Variants in IGDCC4 observed in about 807,000 individuals in gnomAD.
IGDCC4 encodes the protein immunoglobulin superfamily DCC subclass member 4.
Under a neutral mutation model 116.6 loss-of-function variants are expected in IGDCC4, and 72 were observed. That is an observed-to-expected ratio of 0.62 (90% CI 0.51 to 0.75). The LOEUF is 0.75. Ranked by LOEUF, IGDCC4 falls within the 30% of genes least tolerant of loss-of-function variation. The pLI is 0.00. For missense variants in IGDCC4, 1,501 were observed against 1,662.4 expected (o/e 0.90, Z 1.69); for synonymous variants, 709 against 719.9 (o/e 0.98, Z 0.24).
rs138139328 is a variant in IGDCC4 at position 65,388,889 on chromosome 15, C to T, written c.2626G>A (p.Gly876Arg). The T allele has an allele frequency of 5.0e-6, 8 of 1,613,782 alleles. No homozygotes were observed. The highest frequency in any genetic ancestry group is 1.3e-5 in the African/African-American group (1 of 74,880). Residue 876 changes from glycine to arginine, a missense_variant, in exon 15 of 20, where the codon GGG becomes AGG. This residue lies in a region of IGDCC4 where 235 missense variants were observed against 328.0 expected (regional missense o/e 0.72). Coordinates refer to ENST00000352385, the MANE Select transcript of IGDCC4 (RefSeq NM_020962.3). ...LHWCPPTEPN[G>R]EIVEYLILYS... ...AGGATCAGATACTCCACGATCTCCC[C>T]GTTGGGCTCTGTGGGGGGGCACCAG...
At position 65,422,885 on chromosome 15, in the gene IGDCC4, CGCCGCCGCCGCCTCCCCGTGCTTCG is replaced by C. The variant is rs1184985702; in HGVS notation, c.-48_-24del. The C allele has an allele frequency of 2.8e-6, 3 of 1,055,180 alleles. No homozygotes were observed. In the African/African-American group the frequency reaches 5.2e-5, roughly 18 times the overall value. The allele number at this position is 1,055,180 out of a possible 1,614,324, so 65.4% of individuals were successfully genotyped here. On this transcript the variant is annotated 5_prime_UTR_variant, in exon 1 of 20. Coordinates refer to ENST00000352385, the MANE Select transcript of IGDCC4 (RefSeq NM_020962.3). ...CATGGGGCTGGGCTCGGGCCGCCGC[CGCCGCCGCCGCCTCCCCGTGCTTCG>C]GCCGCCGCCGCGGGGGGAGAGCGCG...
At position 65,402,359 on chromosome 15, in the gene IGDCC4, G is replaced by A. The variant is rs760341349; in HGVS notation, c.692C>T (p.Ala231Val). The change falls in exon 4 of 20, where the codon GCC (alanine) becomes GTC (valine). Residue 231 changes from alanine (A) to valine (V), a missense_variant. This residue lies in a region of IGDCC4 where 898 missense variants were observed against 978.9 expected (regional missense o/e 0.92). Transcript: ENST00000352385. Reference protein sequence around the residue: ...HFSQEALLSVAHRGSLASTRG... With the variant: ...HFSQEALLSVVHRGSLASTRG... ...CCAGCCAGCCCCCTTACCTCTGTGG[G>A]CCACACTGAGTAGGGCCTCCTGGCT... is the stretch of plus-strand genomic sequence containing the variant. The A allele has an allele frequency of 1.1e-5, 18 of 1,568,208 alleles. No homozygotes were observed. The highest frequency in any genetic ancestry group is 2.3e-5 in the South Asian group (2 of 85,146).
chr15:65,384,816 G>T lies in IGDCC4; in HGVS notation c.3342+138C>A. 2 of 1,162,814 alleles carry T rather than the reference G, an allele frequency of 1.7e-6. No homozygotes were observed. Among genetic ancestry groups the T allele is most frequent in the Non-Finnish European group, 2.4e-6 (2 of 846,948 alleles). The allele number at this position is 1,162,814 out of a possible 1,614,324, so 72.0% of individuals were successfully genotyped here. A position where few individuals can be genotyped will look rare whatever the true frequency, so the allele number is the denominator to read the frequency against. The stretch of plus-strand genomic sequence containing the variant: ...GCCCTCCACCTACTCAACCTTTGGA[G>T]GCTCCAGGGGTCTCCTGGCTAGACT... On this transcript the variant is annotated intron_variant, in intron 19 of 19. Transcript: ENST00000352385. This position sits in a 1 kb window ranked among gnomAD's most constrained non-coding sequence, Gnocchi z 4.9.
At position 65,392,386 on chromosome 15, in the gene IGDCC4, G is replaced by A. The variant is rs1196060652; in HGVS notation, c.1886-16C>T. 6.7e-7 allele frequency: 1 copy of A among 1,488,330 alleles called. No individual in the cohort carries two copies. Among genetic ancestry groups the A allele is most frequent in the East Asian group, 2.4e-5 (1 of 41,788 alleles). The allele number at this position is 1,488,330 out of a possible 1,614,324, so 92.2% of individuals were successfully genotyped here. A position where few individuals can be genotyped will look rare whatever the true frequency, so the allele number is the denominator to read the frequency against. On this transcript the variant is annotated splice_polypyrimidine_tract_variant and intron_variant, in intron 10 of 19. Coordinates refer to ENST00000352385, the MANE Select transcript of IGDCC4 (RefSeq NM_020962.3). ...GCAAAAGGGACTGGGGGGCAGAGGAGCAGGATGGGAAAATTAAGGAACAGA... is the reference window on the plus strand; with the variant it reads ...GCAAAAGGGACTGGGGGGCAGAGGAACAGGATGGGAAAATTAAGGAACAGA...
chr15:65,395,868 G>A lies in IGDCC4; in HGVS notation c.1293C>T (p.Ala431=), dbSNP rs1438669964. Reference sequence around the variant, plus strand: ...GTGGCGTAGCAGTGACCCGCGTGGGGGCGCTGGGCAGCCCCTCGCGCACCA... The same window carrying A: ...GTGGCGTAGCAGTGACCCGCGTGGGAGCGCTGGGCAGCCCCTCGCGCACCA... ...AVVVREGLPS[A]PTRVTATPLS... The change falls in exon 7 of 20, where the codon GCC becomes GCT. Residue 431 remains alanine, a synonymous_variant. Transcript: ENST00000352385. 1.9e-6 allele frequency: 3 copies of A among 1,582,316 alleles called. No homozygotes were observed. The highest frequency in any genetic ancestry group is 2.6e-6 in the Non-Finnish European group (3 of 1,171,382).
chr15:65,391,879 C>T lies in IGDCC4; in HGVS notation c.2224+1G>A. The stretch of plus-strand genomic sequence containing the variant: ...CCGCCTTCTTCCCCCACCGCCCTCA[C>T]CTGGTGCCGGCGCCTTCTCCGTCTT... On this transcript the variant is annotated splice_donor_variant, in intron 12 of 19. Coordinates refer to ENST00000352385, the MANE Select transcript of IGDCC4 (RefSeq NM_020962.3). LOFTEE classifies it high-confidence loss of function. 6.2e-7 allele frequency: 1 copy of T among 1,613,408 alleles called. No homozygotes were observed. Among genetic ancestry groups the T allele is most frequent in the Non-Finnish European group, 8.5e-7 (1 of 1,179,902 alleles).
rs554394966 is a variant in IGDCC4, at chr15:65,395,296, AC to A, written c.1412-39del. ...GGGACAAGGGGACTGTCATAGTGCC[AC>A]CCCCCCGTGCTGGCTAGCTGGAGTC... On this transcript the variant is annotated intron_variant, in intron 7 of 19. Coordinates refer to ENST00000352385, the MANE Select transcript of IGDCC4 (RefSeq NM_020962.3). 241 of 1,580,696 alleles carry A rather than the reference AC, an allele frequency of 1.5e-4. No individual in the cohort carries two copies. In the African/African-American group the frequency reaches 2.8e-3, roughly 19 times the overall value.
intron 4 of IGDCC4, among the ~76,000 whole-genome samples, chr15:65,401,967 C>T (rs2062991221): frequency 6.6e-6 from 1 of 152,136 alleles, no homozygotes; most frequent in Non-Finnish European, 1.5e-5. Flanking sequence ...CCCCCAGTGC[C>T]TGGACCCCTC....
chr15:65,391,953 G>A lies in IGDCC4; in HGVS notation c.2151C>T (p.Leu717=), dbSNP rs375508755. 56 of 1,612,916 alleles carry A rather than the reference G, an allele frequency of 3.5e-5. No homozygotes were observed. The highest frequency in any genetic ancestry group is 4.0e-5 in the Non-Finnish European group (47 of 1,179,626). ...CATCCTCATGTTTGTTGAAAGCCAC[G>A]AGCTTCACCTCGTACAGCCGGCCAG... ...LVPGRLYEVK[L]VAFNKHEDGY... Residue 717 remains leucine (L), a synonymous_variant, in exon 12 of 20, where the codon CTC becomes CTT. Coordinates refer to ENST00000352385, the MANE Select transcript of IGDCC4 (RefSeq NM_020962.3).
intron 1 of IGDCC4, among the ~76,000 whole-genome samples, chr15:65,420,194 G>A (rs373789497): frequency 7.9e-5 from 12 of 152,134 alleles, no homozygotes; most frequent in Non-Finnish European, 1.5e-4. Flanking sequence ...TGATCCGCCC[G>A]CCTTGGCCTC....
At position 65,388,932 on chromosome 15, in the gene IGDCC4, C is replaced by T. The variant is rs376272732; in HGVS notation, c.2583G>A (p.Pro861=). 6.8e-6 allele frequency: 11 copies of T among 1,612,376 alleles called. No individual in the cohort carries two copies. The highest frequency in any genetic ancestry group is 4.5e-5 in the East Asian group (2 of 44,852). The part of the protein sequence containing the change: ...PSDLRLSPLT[P]STVRLHWCPP... Reference sequence around the variant, plus strand: ...GGCACCAGTGCAGCCGAACCGTGGACGGTGTCAGGGGGCTCAGTCGCAGGT... The same window carrying T: ...GGCACCAGTGCAGCCGAACCGTGGATGGTGTCAGGGGGCTCAGTCGCAGGT... The change falls in exon 15 of 20, where the codon CCG becomes CCA. Residue 861 remains proline, a synonymous_variant. Coordinates refer to ENST00000352385, the MANE Select transcript of IGDCC4 (RefSeq NM_020962.3).
rs112040935 is a variant in IGDCC4 at position 65,399,447 on chromosome 15, CAAAAAAAAA to C, written c.841+1350_841+1358del. Among the ~76,000 whole-genome samples the C allele has an allele frequency of 1.2e-3, 86 of 71,186 alleles. 1 individual carries two copies. Among genetic ancestry groups the C allele is most frequent in the African/African-American group, 3.4e-3 (80 of 23,536 alleles). 46.7% of individuals were successfully genotyped at this position (71,186 alleles called of 152,430 possible). On this transcript the variant is annotated intron_variant, in intron 5 of 19. Coordinates refer to ENST00000352385, the MANE Select transcript of IGDCC4 (RefSeq NM_020962.3). The stretch of plus-strand genomic sequence containing the variant: ...ATTGCACTCCAGCCTGGGTGACAGG[CAAAAAAAAA>C]AAAAAAAAAAAAAAAGATTCCTGGA...
rs2062910053 is a variant in IGDCC4, at chr15:65,395,193, G to A, written c.1477C>T (p.Leu493=). The A allele has an allele frequency of 6.2e-7, 1 of 1,613,872 alleles. No individual in the cohort carries two copies. Among genetic ancestry groups the A allele is most frequent in the African/African-American group, 1.3e-5 (1 of 74,874 alleles). ...NDTTELQVRD[L]EPNTDYEFYV... ...AACTCATAATCTGTGTTGGGTTCCA[G>A]GTCCCGAACCTGTAGTTCTGTGGTG... is the stretch of plus-strand genomic sequence containing the variant. The change falls in exon 8 of 20, where the codon CTG becomes TTG. Residue 493 remains leucine, a synonymous_variant. Coordinates refer to ENST00000352385, the MANE Select transcript of IGDCC4 (RefSeq NM_020962.3).
In IGDCC4 at chr15:65,389,308, C is replaced by T. The variant is rs1250515442; in HGVS notation, c.2512G>A (p.Val838Met). 2 of 1,614,052 alleles carry T rather than the reference C, an allele frequency of 1.2e-6. No individual in the cohort carries two copies. The highest frequency in any genetic ancestry group is 1.7e-6 in the Non-Finnish European group (2 of 1,180,006). ...VDMDGPFGSV[V>M]ERSTLPDRPS... ...CGGTCAGGCAGGGTGGAGCGCTCCA[C>T]CACAGAGCCGAAAGGCCCATCCATG... Residue 838 changes from valine to methionine, a missense_variant, in exon 14 of 20, where the codon GTG (valine) becomes ATG (methionine). By Grantham distance (21) the Val-to-Met change is conservative. Transcript: ENST00000352385.
rs1318646103 is a variant in IGDCC4, at chr15:65,411,012, G to A, written c.421+8C>T. ...AGCCTCAGACCCCCGCCCGATGCAA[G>A]CACTTACTGGCAAGCTTGACGACAG... On this transcript the variant is annotated splice_region_variant and intron_variant, in intron 2 of 19. Transcript: ENST00000352385. 5 of 1,599,426 alleles carry A rather than the reference G, an allele frequency of 3.1e-6. No individual in the cohort carries two copies. The Admixed American group carries it at 6.7e-5, about 22-fold the overall frequency.
chr15:65,400,302 GC>G (rs1425045878), intron 5 of IGDCC4, among the ~76,000 whole-genome samples: 1 of 152,198 alleles, frequency 6.6e-6, no homozygotes, highest in Non-Finnish European at 1.5e-5. Flanking sequence ...CAGGGTCCCT[GC>G]CTCTCTGTGT....
Position 65,396,823 on chromosome 15 carries a change from GC to G in IGDCC4, c.997+10del. ...GCTAACCCGCTCCCTCCGCCCTTCGGCCCGCCTCACCCAGCACACGGAGCTC... is the reference window on the plus strand; with the variant it reads ...GCTAACCCGCTCCCTCCGCCCTTCGGCCGCCTCACCCAGCACACGGAGCTC... On this transcript the variant is annotated intron_variant, in intron 6 of 19. Transcript: ENST00000352385. 1 of 1,558,298 alleles carries G rather than the reference GC, an allele frequency of 6.4e-7. No individual in the cohort carries two copies. Among genetic ancestry groups the G allele is most frequent in the Non-Finnish European group, 8.7e-7 (1 of 1,151,074 alleles).
intron 1 of IGDCC4, among the ~76,000 whole-genome samples, chr15:65,419,220 A>G (rs1008954995): frequency 1.3e-4 from 17 of 134,180 alleles, no homozygotes; most frequent in Non-Finnish European, 3.1e-5. Flanking sequence ...CATGACCGCC[A>G]TGCTTTTTTT....
chr15:65,416,177 A>G (rs1013965612), intron 1 of IGDCC4, among the ~76,000 whole-genome samples: 4 of 111,866 alleles, frequency 3.6e-5, no homozygotes, highest in Non-Finnish European at 6.5e-5. Flanking sequence ...TCGCTCTGTC[A>G]CCCAGGCTGG....
Sources: gnomAD v4.1 joint callset for allele counts (sites outside exome capture counted in the v4.1 genomes callset) on GRCh38, gnomAD v4.1.1 for gene constraint, gnomAD v4.1.1 regional missense constraint, Gnocchi (gnomAD v3.1) non-coding constraint, MANE v1.5 for transcripts, NCBI Gene and HGNC (gene_info 2026-07-23, HGNC 2026-07-21) for gene names.